The following LIN28B variants were observed in gnomAD, a reference collection of about 807,000 sequenced individuals.
The protein encoded by LIN28B is lin-28 RNA binding posttranscriptional regulator B.
LIN28B carries 5 observed loss-of-function variants against 21.9 expected under a neutral mutation model. That is an observed-to-expected ratio of 0.23 (90% CI 0.12 to 0.48). The LOEUF (loss-of-function observed/expected upper bound fraction) is 0.48, where lower values mean the gene tolerates loss of function less well. LIN28B is among the 20% of genes least tolerant of loss of function. LIN28B has a pLI of 0.98. For synonymous variants in LIN28B, 109 were observed against 111.3 expected, an observed-to-expected ratio of 0.98 and a Z score of 0.13; for missense variants, 245 against 310.5, an observed-to-expected ratio of 0.79 and a Z score of 1.58.
intron 3 of LIN28B, among the ~76,000 whole-genome samples, chr6:105,064,742 A>T (rs1361001093): frequency 1.3e-5 from 2 of 152,240 alleles, no homozygotes; most frequent in Non-Finnish European, 2.9e-5. Flanking sequence ...TCAGGGTATC[A>T]TTCAATATTT....
chr6:105,013,802 G>A (rs1246633735), intron 2 of LIN28B, among the ~76,000 whole-genome samples: 1 of 151,380 alleles, frequency 6.6e-6, no homozygotes, highest in Non-Finnish European at 1.5e-5. Flanking sequence ...TTTTTTAAGC[G>A]ACCTTTTGTT....
At chr6:105,036,279 G>A (rs1186331056) in intron 3 of LIN28B, among the ~76,000 whole-genome samples, 1 of 152,114 alleles carries the variant, frequency 6.6e-6, no homozygotes, top group Admixed American at 6.6e-5. Flanking sequence ...GACTGGCAGA[G>A]GCTCGAGTTG....
intron 2 of LIN28B, among the ~76,000 whole-genome samples, chr6:104,961,779 C>G (rs943857945): frequency 6.6e-6 from 1 of 152,100 alleles, no homozygotes; most frequent in Non-Finnish European, 1.5e-5. Context: ...AATACTCTTA[C>G]CAGTTTCTTA....
At chr6:105,049,452 G>A (rs1331605087) in intron 3 of LIN28B, among the ~76,000 whole-genome samples, 1 of 152,208 alleles carries the variant, frequency 6.6e-6, no homozygotes, top group Non-Finnish European at 1.5e-5. Flanking sequence ...TAAGTGTGAT[G>A]TGGTGCTGAG....
chr6:105,032,445 C>T (rs1771443731), intron 3 of LIN28B, among the ~76,000 whole-genome samples: 1 of 152,166 alleles, frequency 6.6e-6, no homozygotes, highest in South Asian at 2.1e-4. Context: ...AAAATTTTGG[C>T]CCCGTGTGGT....
chr6:105,044,513 G>T (rs1771701934), intron 3 of LIN28B, among the ~76,000 whole-genome samples: 1 of 151,880 alleles, frequency 6.6e-6, no homozygotes. Flanking sequence ...CAAAATATTT[G>T]TGGTACAGGA....
intron 3 of LIN28B, among the ~76,000 whole-genome samples, chr6:105,039,614 ACTTACT>A (rs1771591798): frequency 6.6e-6 from 1 of 152,322 alleles, no homozygotes; most frequent in South Asian, 2.1e-4. Context: ...TCATGAGAGT[ACTTACT>A]CTTAAGAGGC....
At chr6:104,965,832 T>C (rs999666514) in intron 2 of LIN28B, among the ~76,000 whole-genome samples, 1 of 152,248 alleles carries the variant, frequency 6.6e-6, no homozygotes, top group Non-Finnish European at 1.5e-5. Flanking sequence ...GTATTCATTA[T>C]AAGCTAAAGA....
intron 2 of LIN28B, among the ~76,000 whole-genome samples, chr6:104,979,559 G>A (rs916756835): frequency 1.3e-5 from 2 of 151,232 alleles, no homozygotes; most frequent in Non-Finnish European, 2.9e-5. Flanking sequence ...GATAACCACT[G>A]CTTACCCTTT....
intron 3 of LIN28B, among the ~76,000 whole-genome samples, chr6:105,058,263 C>G (rs1308112540): frequency 6.6e-6 from 1 of 152,148 alleles, no homozygotes; most frequent in Non-Finnish European, 1.5e-5. Context: ...AGGGGGAGAT[C>G]GTTTTCTCTT....
chr6:104,961,443 C>G (rs1010884261), intron 2 of LIN28B, among the ~76,000 whole-genome samples: 1 of 152,032 alleles, frequency 6.6e-6, no homozygotes, highest in African/African-American at 2.4e-5. Flanking sequence ...CACTGTCACC[C>G]GGGCTGGAGT....
At chr6:105,007,343 A>G (rs1350404849) in intron 2 of LIN28B, among the ~76,000 whole-genome samples, 1 of 152,176 alleles carries the variant, frequency 6.6e-6, no homozygotes, top group African/African-American at 2.4e-5. Flanking sequence ...ATTGAAACAG[A>G]GTCAGATGCT....
intron 3 of LIN28B, among the ~76,000 whole-genome samples, chr6:105,055,182 G>T (rs1469426924): frequency 2.0e-5 from 3 of 151,960 alleles, no homozygotes; most frequent in Non-Finnish European, 4.4e-5. Context: ...TGGATTTGTT[G>T]ATCCACAATG....
At chr6:104,979,295 C>T (rs527260720) in intron 2 of LIN28B, among the ~76,000 whole-genome samples, 4 of 151,840 alleles carry the variant, frequency 2.6e-5, no homozygotes, top group South Asian at 2.1e-4. Context: ...CTGCAACCTC[C>T]GCCTCCCAGG....
upstream of LIN28B, among the ~76,000 whole-genome samples, chr6:104,952,826 C>T (rs1253549175): frequency 6.6e-6 from 1 of 152,114 alleles, no homozygotes; most frequent in Non-Finnish European, 1.5e-5. Flanking sequence ...ATGAAAGTCT[C>T]GAGAGATTTT....
At chr6:104,948,772 A>G (rs995604119) in intron 2 of LIN28B, among the ~76,000 whole-genome samples, 1 of 152,322 alleles carries the variant, frequency 6.6e-6, no homozygotes, top group Non-Finnish European at 1.5e-5. Context: ...AGTGAAAAAC[A>G]TTAATTGTGA....
intron 2 of LIN28B, among the ~76,000 whole-genome samples, chr6:104,992,477 G>C (rs1169647839): frequency 7.3e-6 from 1 of 137,742 alleles, no homozygotes; most frequent in Non-Finnish European, 1.5e-5. Context: ...TTTGGATTAA[G>C]TTTCTGTTGT....
chr6:104,966,250 TG>T (rs974372233), intron 2 of LIN28B, among the ~76,000 whole-genome samples: 5 of 152,344 alleles, frequency 3.3e-5, no homozygotes, highest in Middle Eastern at 6.8e-3. Context: ...TTATAACTTT[TG>T]GCTGGTCACT....
intron 2 of LIN28B, among the ~76,000 whole-genome samples, chr6:105,015,481 ATC>A (rs1292041529): frequency 3.9e-5 from 6 of 151,974 alleles, no homozygotes; most frequent in South Asian, 2.1e-4. Context: ...AATTTGATAA[ATC>A]TCTGCATTTT....
Sources: gnomAD v4.1 joint callset for allele counts (sites outside exome capture counted in the v4.1 genomes callset) on GRCh38, gnomAD v4.1.1 for gene constraint, MANE v1.5 for transcripts, NCBI Gene and HGNC (gene_info 2026-07-23, HGNC 2026-07-21) for gene names.